Variants in CALN1 observed in about 807,000 individuals in gnomAD.
CALN1 encodes the protein calcium-binding protein 8.
Under a neutral mutation model 30.6 loss-of-function variants are expected in CALN1, and 17 were observed. That is an observed-to-expected ratio of 0.56 (90% CI 0.38 to 0.83). CALN1 has a LOEUF of 0.83. Ranked by LOEUF, CALN1 falls within the 40% of genes least tolerant of loss-of-function variation. The probability of loss-of-function intolerance (pLI) is 0.00; values close to 1 mark genes in which losing one functional copy is unlikely to be tolerated. For synonymous variants in CALN1, 156 were observed against 131.4 expected, an observed-to-expected ratio of 1.19 and a Z score of -1.28; for missense variants, 291 against 354.9, an observed-to-expected ratio of 0.82 and a Z score of 1.45.
intron 3 of CALN1, among the ~76,000 whole-genome samples, chr7:72,153,505 C>T (rs1420033351): frequency 6.9e-6 from 1 of 144,976 alleles, no homozygotes; most frequent in African/African-American, 2.5e-5. Flanking sequence ...ATAACGAGAC[C>T]TTGTCTCTAC....
At chr7:72,401,473 G>C (rs1038601404) in intron 2 of CALN1, among the ~76,000 whole-genome samples, 4 of 152,160 alleles carry the variant, frequency 2.6e-5, no homozygotes, top group African/African-American at 9.7e-5. Context: ...ACAGAAACAT[G>C]TTCAGTGCGT....
chr7:71,938,107 T>C (rs911243450), intron 5 of CALN1, among the ~76,000 whole-genome samples: 2 of 152,196 alleles, frequency 1.3e-5, no homozygotes, highest in African/African-American at 4.8e-5. Flanking sequence ...TCAGAGAGAT[T>C]GGCACAGAGA....
chr7:72,492,614 G>A, the CALN1 span, among the ~76,000 whole-genome samples: 6 of 152,356 alleles, frequency 3.9e-5, no homozygotes, highest in African/African-American at 1.4e-4. Flanking sequence ...TGCCAGCAGG[G>A]CTGTGGGGGC....
At chr7:72,106,871 G>C (rs1336398794) in intron 3 of CALN1, among the ~76,000 whole-genome samples, 1 of 130,698 alleles carries the variant, frequency 7.7e-6, no homozygotes, top group Non-Finnish European at 1.6e-5. Context: ...GAGGAAGGAA[G>C]GAAGGAAAAA....
chr7:72,344,973 A>T (rs1363665232), intron 2 of CALN1, among the ~76,000 whole-genome samples: 1 of 147,256 alleles, frequency 6.8e-6, no homozygotes, highest in African/African-American at 2.5e-5. Flanking sequence ...ATATTTATAT[A>T]TAAATATTTA....
At chr7:71,993,012 T>C (rs563085607) in intron 5 of CALN1, among the ~76,000 whole-genome samples, 3 of 103,684 alleles carry the variant, frequency 2.9e-5, no homozygotes, top group South Asian at 5.5e-4. Context: ...AAGAGAACCA[T>C]TGGAGAAGAA....
intron 1 of CALN1, among the ~76,000 whole-genome samples, chr7:72,420,214 A>G (rs1807561783): frequency 6.6e-6 from 1 of 152,138 alleles, no homozygotes; most frequent in Non-Finnish European, 1.5e-5. Context: ...TGAAGACATG[A>G]CTAGAAAGAA....
chr7:72,291,248 A>C (rs994128552), intron 2 of CALN1, among the ~76,000 whole-genome samples: 1 of 152,116 alleles, frequency 6.6e-6, no homozygotes, highest in African/African-American at 2.4e-5. Flanking sequence ...GACTTATTTC[A>C]TATTTTTCTT....
chr7:72,160,435 T>C (rs374484112), intron 3 of CALN1, among the ~76,000 whole-genome samples: 6 of 152,142 alleles, frequency 3.9e-5, no homozygotes, highest in African/African-American at 1.4e-4. Flanking sequence ...TGCGCCACCA[T>C]GCCCAGCTAA....
intron 3 of CALN1, among the ~76,000 whole-genome samples, chr7:72,260,659 A>G (rs1287716240): frequency 6.6e-6 from 1 of 152,080 alleles, no homozygotes; most frequent in East Asian, 1.9e-4. Flanking sequence ...GAAACCCTCA[A>G]GTTTTACACC....
intron 1 of CALN1, among the ~76,000 whole-genome samples, chr7:72,445,107 A>C (rs751416439): frequency 1.4e-4 from 20 of 139,824 alleles, no homozygotes; most frequent in Admixed American, 5.7e-4. Flanking sequence ...CACACACACA[A>C]CATTAAGTTG....
At chr7:72,298,991 G>T (rs111287914) in intron 2 of CALN1, among the ~76,000 whole-genome samples, 3 of 152,154 alleles carry the variant, frequency 2.0e-5, no homozygotes, top group African/African-American at 4.8e-5. Flanking sequence ...CCAGTCTCTG[G>T]TATGTCTTTA....
At chr7:72,400,619 C>T (rs1426227140) in intron 2 of CALN1, among the ~76,000 whole-genome samples, 2 of 152,174 alleles carry the variant, frequency 1.3e-5, no homozygotes, top group East Asian at 3.9e-4. Flanking sequence ...CCTATAATCC[C>T]AGCACTTTGG....
At chr7:72,115,076 T>C (rs1051352062) in intron 3 of CALN1, among the ~76,000 whole-genome samples, 2 of 148,842 alleles carry the variant, frequency 1.3e-5, no homozygotes, top group African/African-American at 4.9e-5. Context: ...GGACATTACA[T>C]TATATATGGA....
intron 4 of CALN1, among the ~76,000 whole-genome samples, chr7:72,042,304 C>T (rs1484585690): frequency 6.6e-6 from 1 of 152,118 alleles, no homozygotes; most frequent in Non-Finnish European, 1.5e-5. Context: ...GTATGTGTAG[C>T]TATGATTTAC....
At chr7:72,228,370 G>A (rs998141808) in intron 3 of CALN1, among the ~76,000 whole-genome samples, 2 of 151,676 alleles carry the variant, frequency 1.3e-5, no homozygotes, top group African/African-American at 4.8e-5. Context: ...TCCCCACTGG[G>A]TTGAGAGCTC....
At chr7:72,071,715 G>A (rs763730721) in intron 4 of CALN1, among the ~76,000 whole-genome samples, 18 of 152,154 alleles carry the variant, frequency 1.2e-4, no homozygotes, top group Admixed American at 8.5e-4. Flanking sequence ...CTAACAAAAC[G>A]TCACAAGACA....
chr7:72,147,264 A>T (rs1786829488), intron 3 of CALN1, among the ~76,000 whole-genome samples: 1 of 152,144 alleles, frequency 6.6e-6, no homozygotes, highest in Admixed American at 6.5e-5. Context: ...ACTCAAACAA[A>T]TTTACAAGAA....
chr7:72,164,363 A>G (rs959085663), intron 3 of CALN1, among the ~76,000 whole-genome samples: 153 of 148,122 alleles, frequency 1.0e-3, no homozygotes, highest in African/African-American at 3.6e-3. Flanking sequence ...AAAAAAAAAA[A>G]AAAAAGAAGA....
Sources: allele counts gnomAD v4.1 joint callset (sites outside exome capture counted in the v4.1 genomes callset), GRCh38; gene constraint gnomAD v4.1.1; transcripts MANE v1.5; gene names NCBI Gene and HGNC (gene_info 2026-07-23, HGNC 2026-07-21).